The following MBD5 variants were observed in gnomAD, a reference collection of about 807,000 sequenced individuals.
MBD5 encodes methyl-CpG-binding domain protein 5.
In MBD5, 13 loss-of-function variants were observed where a neutral mutation model predicts 117.3. That is an observed-to-expected ratio of 0.11 (90% CI 0.07 to 0.18). MBD5 has a LOEUF of 0.18. Among genes scored for constraint, MBD5 ranks in the 10% least tolerant of loss-of-function variants. The pLI, the probability that MBD5 is intolerant of heterozygous loss-of-function variation, is 1.00. For missense variants in MBD5, 1,879 were observed against 2,093.8 expected, an observed-to-expected ratio of 0.90 and a Z score of 2.00; for synonymous variants, 727 against 766.4, an observed-to-expected ratio of 0.95 and a Z score of 0.85.
intron 3 of MBD5, among the ~76,000 whole-genome samples, chr2:148,255,086 A>G (rs1700553600): frequency 6.6e-6 from 1 of 152,226 alleles, no homozygotes; most frequent in South Asian, 2.1e-4. Context: ...TCATCTCAGC[A>G]TAGGTGTGGG....
At chr2:148,477,788 A>G (rs1414486334) in intron 8 of MBD5, among the ~76,000 whole-genome samples, 1 of 152,186 alleles carries the variant, frequency 6.6e-6, no homozygotes, top group Non-Finnish European at 1.5e-5. Context: ...GCAAATGATA[A>G]AGGTCAGATG....
chr2:148,258,103 G>A (rs181711839), intron 3 of MBD5, among the ~76,000 whole-genome samples: 1 of 152,210 alleles, frequency 6.6e-6, no homozygotes, highest in Admixed American at 6.5e-5. Flanking sequence ...CAGTATTGAT[G>A]GGTGGAAGTA....
At chr2:148,385,999 T>C (rs1574364744) in intron 4 of MBD5, among the ~76,000 whole-genome samples, 1 of 147,024 alleles carries the variant, frequency 6.8e-6, no homozygotes, top group East Asian at 2.1e-4. Flanking sequence ...TTAGGAGATA[T>C]ACCTAATGCT....
chr2:148,031,296 C>T (rs765777018), intron 1 of MBD5, among the ~76,000 whole-genome samples: 2 of 151,792 alleles, frequency 1.3e-5, no homozygotes, highest in Non-Finnish European at 2.9e-5. Context: ...ACTTTAAGAA[C>T]CTTTGTAAAA....
rs542679343 is a variant in MBD5 at position 148,446,063 on chromosome 2, T to C, written c.-556-12140T>C. The stretch of plus-strand genomic sequence containing the variant: ...TGTCAGATGAGTAGGTTGCAAAAAT[T>C]TTCTCCCATTCTGTAGGTTGCCTGT... On this transcript the variant is annotated intron_variant, in intron 4 of 13. Transcript: ENST00000642680. 5.1e-4 allele frequency among the ~76,000 whole-genome samples: 77 copies of C among 151,110 alleles called. 1 individual carries two copies. Among genetic ancestry groups the C allele is most frequent in the Non-Finnish European group, 9.0e-4 (61 of 67,974 alleles).
intron 3 of MBD5, among the ~76,000 whole-genome samples, chr2:148,237,670 A>G (rs188670864): frequency 2.0e-3 from 301 of 152,342 alleles, no homozygotes; most frequent in Admixed American, 4.4e-3. Context: ...ACAGTTATCA[A>G]AATGTGACTC....
At chr2:148,099,963 A>C (rs930574793) in intron 1 of MBD5, among the ~76,000 whole-genome samples, 2 of 152,236 alleles carry the variant, frequency 1.3e-5, no homozygotes, top group Admixed American at 6.5e-5. Context: ...AATAAAAGTC[A>C]TGCCCTCAAG....
chr2:148,208,688 C>T (rs1224150281), intron 2 of MBD5, among the ~76,000 whole-genome samples: 1 of 148,012 alleles, frequency 6.8e-6, no homozygotes, highest in Non-Finnish European at 1.5e-5. Flanking sequence ...TGCCTGTAAA[C>T]ATCACTTGAC....
chr2:148,394,472 A>G (rs191747750), intron 4 of MBD5, among the ~76,000 whole-genome samples: 1 of 150,442 alleles, frequency 6.6e-6, no homozygotes, highest in Non-Finnish European at 1.5e-5. Context: ...ATAATTGTTC[A>G]TAATAACCAT....
chr2:148,117,057 A>G (rs1017052960), intron 1 of MBD5, among the ~76,000 whole-genome samples: 3 of 152,218 alleles, frequency 2.0e-5, no homozygotes, highest in Non-Finnish European at 4.4e-5. Flanking sequence ...ATTTGAGTTT[A>G]TAGCCTTCTG....
At chr2:148,148,767 T>C (rs1387171207) in intron 1 of MBD5, among the ~76,000 whole-genome samples, 3 of 152,136 alleles carry the variant, frequency 2.0e-5, no homozygotes, top group Non-Finnish European at 4.4e-5. Context: ...AGCTGAAACA[T>C]TTTCCTTGTG....
At chr2:148,381,751 G>A (rs1364619098) in intron 4 of MBD5, among the ~76,000 whole-genome samples, 2 of 152,184 alleles carry the variant, frequency 1.3e-5, no homozygotes, top group South Asian at 2.1e-4. Flanking sequence ...CACACTAACA[G>A]CTGATCTCTC....
chr2:148,372,992 G>A (rs1363051323), intron 4 of MBD5, among the ~76,000 whole-genome samples: 2 of 152,016 alleles, frequency 1.3e-5, no homozygotes, highest in African/African-American at 2.4e-5. Flanking sequence ...GTATAATAAA[G>A]ACCTACATCT....
At chr2:148,511,810 T>C (rs1185209659) in intron 13 of MBD5, among the ~76,000 whole-genome samples, 1 of 152,216 alleles carries the variant, frequency 6.6e-6, no homozygotes, top group Non-Finnish European at 1.5e-5. Flanking sequence ...CCCATAAACA[T>C]TATTTAAAAT....
At chr2:148,507,812 G>A (rs1682087096) in intron 12 of MBD5, among the ~76,000 whole-genome samples, 1 of 151,426 alleles carries the variant, frequency 6.6e-6, no homozygotes, top group South Asian at 2.1e-4. Flanking sequence ...ATAAATAACA[G>A]GTATTTCTTT....
intron 1 of MBD5, among the ~76,000 whole-genome samples, chr2:148,117,539 C>T (rs1379251432): frequency 6.6e-6 from 1 of 151,976 alleles, no homozygotes; most frequent in Non-Finnish European, 1.5e-5. Flanking sequence ...GATGCCAGTC[C>T]AGGACATACC....
chr2:148,393,052 G>A (rs1704610207), intron 4 of MBD5, among the ~76,000 whole-genome samples: 1 of 151,996 alleles, frequency 6.6e-6, no homozygotes, highest in African/African-American at 2.4e-5. Context: ...TGCATTTCCA[G>A]GATTTAGTTA....
intron 2 of MBD5, among the ~76,000 whole-genome samples, chr2:148,229,908 C>T (rs941988063): frequency 6.6e-6 from 1 of 152,192 alleles, no homozygotes. Context: ...CTCTGTCTCT[C>T]TCTCTCTGTT....
At chr2:148,351,030 G>C (rs1217215954) in intron 4 of MBD5, among the ~76,000 whole-genome samples, 1 of 151,922 alleles carries the variant, frequency 6.6e-6, no homozygotes, top group Non-Finnish European at 1.5e-5. Context: ...CTTAACAGAA[G>C]ACCTCAAGGT....
Sources: gnomAD v4.1 joint callset for allele counts (sites outside exome capture counted in the v4.1 genomes callset) on GRCh38, gnomAD v4.1.1 for gene constraint, MANE v1.5 for transcripts, NCBI Gene and HGNC (gene_info 2026-07-23, HGNC 2026-07-21) for gene names.